Variants in C1QTNF3 observed in about 807,000 individuals in gnomAD.
C1QTNF3 encodes the protein C1q and TNF related 3, also known as complement C1q tumor necrosis factor-related protein 3.
Under a neutral mutation model 32.6 loss-of-function variants are expected in C1QTNF3, and 26 were observed. The observed-to-expected ratio is 0.80, with a 90% CI of 0.58 to 1.11. The LOEUF (loss-of-function observed/expected upper bound fraction) is 1.11, where lower values mean the gene tolerates loss of function less well. Among genes scored for constraint, C1QTNF3 ranks in the 50% least tolerant of loss-of-function variants. C1QTNF3 has a pLI of 0.00. For synonymous variants in C1QTNF3, 155 were observed against 146.0 expected (o/e 1.06, Z -0.44); for missense variants, 362 against 398.2 (o/e 0.91, Z 0.77).
chr5:34,141,118 C>T, the C1QTNF3 span, among the ~76,000 whole-genome samples: 3 of 151,718 alleles, frequency 2.0e-5, no homozygotes, highest in Non-Finnish European at 4.4e-5. Flanking sequence ...GCAGGGTTGA[C>T]TCCTTCTTCT....
chr5:34,074,040 T>C, the C1QTNF3 span, among the ~76,000 whole-genome samples: 2 of 152,166 alleles, frequency 1.3e-5, no homozygotes, highest in African/African-American at 4.8e-5. Flanking sequence ...TCCAATATTA[T>C]GTAGTAAGTA....
At chr5:34,132,368 G>C in the C1QTNF3 span, among the ~76,000 whole-genome samples, 1 of 151,386 alleles carries the variant, frequency 6.6e-6, no homozygotes, top group Non-Finnish European at 1.5e-5. Context: ...CTGGGCAACA[G>C]AGGGAGACTC....
At chr5:34,047,420 C>T (rs958420380), upstream of C1QTNF3, among the ~76,000 whole-genome samples, 2 of 152,244 alleles carry the variant, frequency 1.3e-5, no homozygotes, top group African/African-American at 2.4e-5. Flanking sequence ...TCCGTGGCCT[C>T]CCCCATGGTG....
At chr5:34,075,559 A>G in the C1QTNF3 span, among the ~76,000 whole-genome samples, 1 of 151,594 alleles carries the variant, frequency 6.6e-6, no homozygotes, top group African/African-American at 2.4e-5. Context: ...ATTACATTAA[A>G]TCATACACCT....
At chr5:34,177,595 T>A in the C1QTNF3 span, among the ~76,000 whole-genome samples, 1 of 149,796 alleles carries the variant, frequency 6.7e-6, no homozygotes, top group Admixed American at 6.7e-5. Flanking sequence ...CAAGCGATTC[T>A]CCTGCTTTAG....
At chr5:34,088,602 G>A in the C1QTNF3 span, among the ~76,000 whole-genome samples, 1 of 152,166 alleles carries the variant, frequency 6.6e-6, no homozygotes, top group Admixed American at 6.5e-5. Context: ...TGGCATTAAA[G>A]CTTATGTTTA....
the C1QTNF3 span, among the ~76,000 whole-genome samples, chr5:34,123,300 T>C: frequency 6.6e-6 from 1 of 152,202 alleles, no homozygotes; most frequent in Non-Finnish European, 1.5e-5. Flanking sequence ...TTTGCCCTGT[T>C]GGTGTTGGAC....
chr5:34,227,718 T>A, the C1QTNF3 span, among the ~76,000 whole-genome samples: 2 of 151,946 alleles, frequency 1.3e-5, no homozygotes, highest in African/African-American at 4.8e-5. Flanking sequence ...TAGTCAGAAC[T>A]GCTGAGCTTT....
chr5:34,032,016 G>A (rs1307171499), intron 3 of C1QTNF3, among the ~76,000 whole-genome samples: 5 of 152,136 alleles, frequency 3.3e-5, no homozygotes, highest in East Asian at 1.9e-4. Flanking sequence ...GGCAAGAATC[G>A]CTTTATAGTC....
At chr5:34,213,777 G>GTATATATATATATATATA in the C1QTNF3 span, among the ~76,000 whole-genome samples, 4 of 26,512 alleles carry the variant, frequency 1.5e-4, no homozygotes, top group Admixed American at 9.0e-4. Flanking sequence ...ACACATACGT[G>GTATATATATATATATATA]TATATATACA....
the C1QTNF3 span, among the ~76,000 whole-genome samples, chr5:34,222,375 A>G: frequency 6.6e-6 from 1 of 151,890 alleles, no homozygotes; most frequent in East Asian, 1.9e-4. Context: ...ACTCTTGCAG[A>G]CAATAATAAT....
chr5:34,076,967 A>G, the C1QTNF3 span, among the ~76,000 whole-genome samples: 2 of 151,740 alleles, frequency 1.3e-5, no homozygotes, highest in Admixed American at 1.3e-4. Context: ...CAGGATAGGT[A>G]ACTTAAACAA....
At chr5:34,226,783 G>A in the C1QTNF3 span, among the ~76,000 whole-genome samples, 1 of 151,584 alleles carries the variant, frequency 6.6e-6, no homozygotes. Flanking sequence ...TTACACTGTA[G>A]TTTTACAATG....
the C1QTNF3 span, among the ~76,000 whole-genome samples, chr5:34,066,447 A>T: frequency 7.2e-5 from 11 of 152,312 alleles, no homozygotes; most frequent in East Asian, 3.9e-4. Context: ...TATAGATTAT[A>T]AAAGACTTAC....
the C1QTNF3 span, among the ~76,000 whole-genome samples, chr5:34,114,053 T>A: frequency 6.6e-6 from 1 of 152,230 alleles, no homozygotes; most frequent in African/African-American, 2.4e-5. Flanking sequence ...TCTGTCTCAA[T>A]CTTAATTCTT....
At chr5:34,237,137 G>A in the C1QTNF3 span, among the ~76,000 whole-genome samples, 5 of 152,120 alleles carry the variant, frequency 3.3e-5, no homozygotes, top group South Asian at 2.1e-4. Flanking sequence ...TTGTTTTCAA[G>A]GAAGAGGTTA....
the C1QTNF3 span, among the ~76,000 whole-genome samples, chr5:34,229,000 T>C: frequency 6.6e-6 from 1 of 152,026 alleles, no homozygotes; most frequent in African/African-American, 2.4e-5. Context: ...ATGAAACTTC[T>C]GGGTTTATCA....
the C1QTNF3 span, among the ~76,000 whole-genome samples, chr5:34,049,566 G>A: frequency 6.6e-6 from 1 of 152,202 alleles, no homozygotes; most frequent in African/African-American, 2.4e-5. Flanking sequence ...AAGGCAAATT[G>A]CATTTACACA....
upstream of C1QTNF3, among the ~76,000 whole-genome samples, chr5:34,048,086 T>C (rs567303625): frequency 6.6e-6 from 1 of 152,308 alleles, no homozygotes; most frequent in East Asian, 1.9e-4. Context: ...AGAATAAGGC[T>C]TTCAGAGACT....
Sources: gnomAD v4.1 joint callset for allele counts (sites outside exome capture counted in the v4.1 genomes callset) on GRCh38, gnomAD v4.1.1 for gene constraint, MANE v1.5 for transcripts, NCBI Gene and HGNC (gene_info 2026-07-23, HGNC 2026-07-21) for gene names.